The following GALNTL6 variants were observed in gnomAD, a reference collection of about 807,000 sequenced individuals.
GALNTL6 encodes the protein polypeptide N-acetylgalactosaminyltransferase-like 6.
Under a neutral mutation model 73.7 loss-of-function variants are expected in GALNTL6, and 46 were observed. The observed-to-expected ratio is 0.62, with a 90% confidence interval of 0.49 to 0.80. The LOEUF (loss-of-function observed/expected upper bound fraction) is 0.80. Ranked by LOEUF, GALNTL6 falls within the 30% of genes least tolerant of loss-of-function variation. The probability of loss-of-function intolerance (pLI) is 0.00; values close to 1 mark genes in which losing one functional copy is unlikely to be tolerated. For synonymous variants in GALNTL6, 259 were observed against 263.7 expected (o/e 0.98, Z 0.17); for missense variants, 604 against 755.0 (o/e 0.80, Z 2.34).
intron 2 of GALNTL6, among the ~76,000 whole-genome samples, chr4:171,859,271 T>C (rs986635379): frequency 6.6e-6 from 1 of 152,224 alleles, no homozygotes; most frequent in Non-Finnish European, 1.5e-5. Flanking sequence ...ATCCAGGCAG[T>C]TCATAATATG....
At chr4:171,886,637 A>T (rs1250328431) in intron 2 of GALNTL6, among the ~76,000 whole-genome samples, 1 of 152,160 alleles carries the variant, frequency 6.6e-6, no homozygotes, top group East Asian at 1.9e-4. Flanking sequence ...TCATGGCAGA[A>T]GGTGAAGGAC....
intron 2 of GALNTL6, among the ~76,000 whole-genome samples, chr4:171,952,982 A>T (rs1281119487): frequency 2.0e-5 from 3 of 152,206 alleles, no homozygotes; most frequent in Non-Finnish European, 1.5e-5. Context: ...AAATCACAGC[A>T]TCAAAAAGAA....
chr4:172,734,364 A>G (rs1736327422), intron 5 of GALNTL6, among the ~76,000 whole-genome samples: 1 of 152,144 alleles, frequency 6.6e-6, no homozygotes, highest in Non-Finnish European at 1.5e-5. Context: ...AATGGGGAAA[A>G]TATCTCCAGG....
intron 5 of GALNTL6, among the ~76,000 whole-genome samples, chr4:172,546,441 A>G (rs1735754683): frequency 6.6e-6 from 1 of 152,096 alleles, no homozygotes; most frequent in African/African-American, 2.4e-5. Context: ...TATGCAAGAA[A>G]TCTGCACTTA....
intron 2 of GALNTL6, among the ~76,000 whole-genome samples, chr4:172,117,178 T>G (rs570301952): frequency 2.8e-4 from 43 of 152,268 alleles, no homozygotes; most frequent in African/African-American, 1.0e-3. Context: ...TAATTCTAAC[T>G]CTCACATCCA....
At chr4:172,939,988 T>A (rs532495806) in intron 9 of GALNTL6, among the ~76,000 whole-genome samples, 2 of 152,312 alleles carry the variant, frequency 1.3e-5, no homozygotes, top group East Asian at 3.9e-4. Context: ...AATCCCACAT[T>A]ACTTTTAAAA....
chr4:172,674,041 G>A (rs1308221475), intron 5 of GALNTL6, among the ~76,000 whole-genome samples: 2 of 152,168 alleles, frequency 1.3e-5, no homozygotes, highest in Non-Finnish European at 2.9e-5. Context: ...TCTTGTTTAT[G>A]TGGTTGCTTT....
intron 2 of GALNTL6, among the ~76,000 whole-genome samples, chr4:171,967,467 T>TTTTTTTTTGG (rs1739426020): frequency 6.6e-6 from 1 of 150,588 alleles, no homozygotes; most frequent in Non-Finnish European, 1.5e-5. Context: ...TTTTTTTTTG[T>TTTTTTTTTGG]AGATGTAGTT....
At chr4:172,555,753 A>G (rs1206128588) in intron 5 of GALNTL6, among the ~76,000 whole-genome samples, 1 of 152,150 alleles carries the variant, frequency 6.6e-6, no homozygotes, top group Non-Finnish European at 1.5e-5. Context: ...AAAGACTGAG[A>G]TAAACAAATA....
intron 5 of GALNTL6, among the ~76,000 whole-genome samples, chr4:172,494,359 C>A (rs1733998997): frequency 2.0e-5 from 3 of 152,302 alleles, no homozygotes; most frequent in Middle Eastern, 6.8e-3. Flanking sequence ...ATCCAAATTT[C>A]TTTCTCATAC....
chr4:172,320,696 T>C (rs905336502), intron 4 of GALNTL6, among the ~76,000 whole-genome samples: 2 of 151,764 alleles, frequency 1.3e-5, no homozygotes, highest in East Asian at 3.9e-4. Context: ...GGTTAGTGTG[T>C]AGAACAGTTT....
In GALNTL6 at chr4:172,270,729, T is replaced by TGATAGATAGATAGATA. The variant is rs34612752; in HGVS notation, c.248-40877_248-40862dup. 1.9e-3 allele frequency among the ~76,000 whole-genome samples: 295 copies of TGATAGATAGATAGATA among 151,698 alleles called. 3 individuals are homozygous for TGATAGATAGATAGATA. In the East Asian group the frequency reaches 0.027, roughly 14 times the overall value. On this transcript the variant is annotated intron_variant, in intron 3 of 12. Coordinates refer to ENST00000506823, the MANE Select transcript of GALNTL6 (RefSeq NM_001034845.3). ...TATACTTTCTTGATAGGTAGGTAGA[T>TGATAGATAGATAGATA]GATAGATAGATAGATAGATAGATGA... is the stretch of plus-strand genomic sequence containing the variant.
At chr4:172,766,934 A>G (rs7694956) in intron 5 of GALNTL6, among the ~76,000 whole-genome samples, 6,840 of 152,240 alleles carry the variant, frequency 0.045, 273 homozygotes, top group African/African-American at 0.1. Flanking sequence ...TGGTAGAAGC[A>G]CCATTCTGAC....
chr4:171,943,832 C>A (rs1738623724), intron 2 of GALNTL6, among the ~76,000 whole-genome samples: 1 of 152,060 alleles, frequency 6.6e-6, no homozygotes, highest in African/African-American at 2.4e-5. Flanking sequence ...TATAGATTTT[C>A]TTCCTACGGG....
intron 2 of GALNTL6, among the ~76,000 whole-genome samples, chr4:172,012,306 C>A (rs1741035809): frequency 6.6e-6 from 1 of 152,034 alleles, no homozygotes; most frequent in Admixed American, 6.6e-5. Flanking sequence ...TCCCTTTTCA[C>A]CAGGGCCGAA....
At chr4:172,628,958 C>T (rs7668989) in intron 5 of GALNTL6, among the ~76,000 whole-genome samples, 55,369 of 151,960 alleles carry the variant, frequency 0.36, 11,139 homozygotes, top group African/African-American at 0.52. Context: ...GGAGTGCACA[C>T]GATAATTTTC....
At position 172,809,449 on chromosome 4, in the gene GALNTL6, G is replaced by C. The variant is rs759704847; in HGVS notation, c.642G>C (p.Arg214=). The change falls in exon 6 of 13, where the codon CGG becomes CGC. Residue 214 remains arginine (R), a synonymous_variant. Transcript: ENST00000506823. This position sits in a 1 kb window ranked among gnomAD's most constrained non-coding sequence, Gnocchi z 4.4. ...VRTKKREGLI[R]TRLLGASMAR... The stretch of plus-strand genomic sequence containing the variant: ...CCAAGAAAAGAGAAGGACTCATCCG[G>C]ACCCGTCTCCTGGGGGCATCTATGG... The C allele has an allele frequency of 6.2e-7, 1 of 1,613,902 alleles. No homozygotes were observed. The highest frequency in any genetic ancestry group is 1.1e-5 in the South Asian group (1 of 91,052).
intron 7 of GALNTL6, among the ~76,000 whole-genome samples, chr4:172,868,382 T>C (rs537371824): frequency 6.6e-6 from 1 of 152,184 alleles, no homozygotes; most frequent in East Asian, 1.9e-4. Flanking sequence ...GAAAACATTA[T>C]AAAATTTAGA....
At chr4:172,646,606 T>C (rs1740254411) in intron 5 of GALNTL6, among the ~76,000 whole-genome samples, 1 of 152,022 alleles carries the variant, frequency 6.6e-6, no homozygotes, top group Admixed American at 6.6e-5. Context: ...TATAATACAG[T>C]ATTTGACACT....
Sources: gnomAD v4.1 joint callset for allele counts (sites outside exome capture counted in the v4.1 genomes callset) on GRCh38, gnomAD v4.1.1 for gene constraint, Gnocchi (gnomAD v3.1) non-coding constraint, MANE v1.5 for transcripts, NCBI Gene and HGNC (gene_info 2026-07-23, HGNC 2026-07-21) for gene names.